The following PISD variants were observed in gnomAD, a reference collection of about 807,000 sequenced individuals.
PISD encodes phosphatidylserine decarboxylase proenzyme, mitochondrial.
Under a neutral mutation model 43.5 loss-of-function variants are expected in PISD, and 31 were observed. That is an observed-to-expected ratio of 0.71 (90% CI 0.54 to 0.96). The LOEUF (loss-of-function observed/expected upper bound fraction) is 0.96, where lower values mean the gene tolerates loss of function less well. Ranked by LOEUF, PISD falls within the 40% of genes least tolerant of loss-of-function variation. The pLI, the probability that PISD is intolerant of heterozygous loss-of-function variation, is 0.00. For missense variants in PISD, 523 were observed against 548.4 expected (o/e 0.95, Z 0.46); for synonymous variants, 259 against 228.7 (o/e 1.13, Z -1.20).
chr22:31,620,089 C>A (rs771279759), intron 7 of PISD, among the ~76,000 whole-genome samples: 4 of 152,206 alleles, frequency 2.6e-5, no homozygotes, highest in Non-Finnish European at 4.4e-5. Context: ...GGTCTCCATG[C>A]ATGGTGCTGG....
rs186329894 is a variant in PISD, at chr22:31,628,383, T to C, written c.322-6498A>G. 1.7e-3 allele frequency among the ~76,000 whole-genome samples: 262 copies of C among 152,342 alleles called. 3 individuals are homozygous for C. The highest frequency in any genetic ancestry group is 0.015 in the Admixed American group (232 of 15,306). On this transcript the variant is annotated intron_variant, in intron 3 of 7. Coordinates refer to ENST00000439502, the MANE Select transcript of PISD (RefSeq NM_001326411.2). Reference sequence around the variant, plus strand: ...AAAGATTTCATCCTCTCTGGCTGTCTTGAGGTGACACGAGGTGGGAGCCTC... The same window carrying C: ...AAAGATTTCATCCTCTCTGGCTGTCCTGAGGTGACACGAGGTGGGAGCCTC...
At chr22:31,624,428 G>C (rs913375480) in intron 3 of PISD, among the ~76,000 whole-genome samples, 2 of 151,986 alleles carry the variant, frequency 1.3e-5, no homozygotes, top group Admixed American at 6.6e-5. Context: ...ATGGTTCCAG[G>C]CCCCCCCTTT....
chr22:31,633,708 C>T lies in PISD; in HGVS notation c.322-11823G>A, dbSNP rs548328328. On this transcript the variant is annotated intron_variant, in intron 3 of 7. Coordinates refer to ENST00000439502, the MANE Select transcript of PISD (RefSeq NM_001326411.2). ...CCAGCCTGGGCGACAGAGCGAGACT[C>T]GTCTCAAAAAACAAACAAACAAACA... Among the ~76,000 whole-genome samples the T allele has an allele frequency of 2.1e-3, 313 of 151,746 alleles. 2 individuals are homozygous for T. The highest frequency in any genetic ancestry group is 2.6e-3 in the Non-Finnish European group (178 of 67,976).
chr22:31,631,621 G>A (rs1174039300), intron 3 of PISD, among the ~76,000 whole-genome samples: 3 of 152,200 alleles, frequency 2.0e-5, no homozygotes, highest in African/African-American at 7.2e-5. Context: ...CTAGTCTGCG[G>A]CTTGGCAGTC....
At chr22:31,620,278 A>G (rs2072460269) in intron 7 of PISD, among the ~76,000 whole-genome samples, 1 of 152,162 alleles carries the variant, frequency 6.6e-6, no homozygotes, top group Non-Finnish European at 1.5e-5. Flanking sequence ...ACCTTTGACC[A>G]TGGTTCCTAG....
At chr22:31,655,358 C>T (rs2074142625) in intron 1 of PISD, among the ~76,000 whole-genome samples, 1 of 151,522 alleles carries the variant, frequency 6.6e-6, no homozygotes, top group South Asian at 2.1e-4. Context: ...CTTTGCTGCC[C>T]AGGCTCAAGT....
At chr22:31,638,751 AGCTG>A in intron 3 of PISD, 1 of 283,788 alleles carries the variant, frequency 3.5e-6, no homozygotes, top group Non-Finnish European at 5.3e-6. Context: ...CCTCTCAGGC[AGCTG>A]GGACCAGAGG....
intron 1 of PISD, among the ~76,000 whole-genome samples, chr22:31,659,572 C>T (rs1270000572): frequency 6.6e-6 from 1 of 151,976 alleles, no homozygotes; most frequent in Admixed American, 6.6e-5. Flanking sequence ...CTGAAATTGG[C>T]AGTAGGATGG....
intron 3 of PISD, among the ~76,000 whole-genome samples, chr22:31,624,136 G>T (rs912364313): frequency 6.6e-6 from 1 of 152,170 alleles, no homozygotes; most frequent in African/African-American, 2.4e-5. Context: ...GCCGCAAGAG[G>T]AGAGTCAGGC....
At chr22:31,628,887 G>A (rs1488522739) in intron 3 of PISD, 17 of 985,374 alleles carry the variant, frequency 1.7e-5, no homozygotes, top group Non-Finnish European at 2.0e-5. Flanking sequence ...ACACTCCGGT[G>A]GGGGCAGGGG....
In PISD at chr22:31,621,682, C is replaced by T. The variant is rs368409664; in HGVS notation, c.525G>A (p.Pro175=). ...LSEFFRRKLK[P]QARPVCGLHS... ...GCAGGCCACAGACAGGCCGGGCCTG[C>T]GGCTTCAGCTTGCGCCGGAAGAACT... Residue 175 remains proline, a synonymous_variant, in exon 4 of 8, where the codon CCG becomes CCA. Coordinates refer to ENST00000439502, the MANE Select transcript of PISD (RefSeq NM_001326411.2). The T allele has an allele frequency of 3.9e-5, 63 of 1,613,710 alleles. No individual in the cohort carries two copies. In the East Asian group the frequency reaches 6.2e-4, roughly 16 times the overall value.
chr22:31,656,021 C>T (rs2074161189), intron 1 of PISD, among the ~76,000 whole-genome samples: 1 of 152,036 alleles, frequency 6.6e-6, no homozygotes, highest in African/African-American at 2.4e-5. Context: ...TGGCCAGGCT[C>T]AGTGGCTCAC....
At chr22:31,658,175 G>C (rs977907802) in intron 1 of PISD, among the ~76,000 whole-genome samples, 1 of 152,154 alleles carries the variant, frequency 6.6e-6, no homozygotes, top group Non-Finnish European at 1.5e-5. Flanking sequence ...ATGAATGGAT[G>C]GGTTCAAACA....
At position 31,619,689 on chromosome 22, in the gene PISD, C is replaced by T. The variant is rs746891486; in HGVS notation, c.1153G>A (p.Glu385Lys). 14 of 1,614,100 alleles carry T rather than the reference C, an allele frequency of 8.7e-6. No individual in the cohort carries two copies. The highest frequency in any genetic ancestry group is 1.2e-5 in the Non-Finnish European group (14 of 1,180,038). The change falls in exon 8 of 8, where the codon GAG (glutamate) becomes AAG (lysine). Residue 385 changes from glutamate (E) to lysine (K), a missense_variant. Glu to Lys is a moderately conservative substitution (Grantham distance 56, BLOSUM62 1). Transcript: ENST00000439502. ...NLGSTIVLIF[E>K]APKDFNFQLK... ...TGGAAATTGAAGTCCTTGGGGGCCT[C>T]GAAGATGAGCACGATGGTGGAGCCC...
At chr22:31,662,221 T>G, upstream of PISD, 1 of 1,602,118 alleles carries the variant, frequency 6.2e-7, no homozygotes, top group Non-Finnish European at 8.5e-7. Flanking sequence ...TGTCTGCTCC[T>G]TCTCAGCGTG....
At chr22:31,629,098 C>G in intron 3 of PISD, 1 of 985,458 alleles carries the variant, frequency 1.0e-6, no homozygotes, top group Non-Finnish European at 1.2e-6. Flanking sequence ...CCCACCCGTC[C>G]CTCACCAACC....
At chr22:31,661,083 T>C (rs1047558131) in intron 1 of PISD, among the ~76,000 whole-genome samples, 4 of 151,770 alleles carry the variant, frequency 2.6e-5, no homozygotes, top group Admixed American at 6.6e-5. Context: ...ACAGCACGCC[T>C]GGTAATAACA....
intron 3 of PISD, among the ~76,000 whole-genome samples, chr22:31,631,730 A>T (rs947347387): frequency 6.6e-6 from 1 of 152,222 alleles, no homozygotes; most frequent in Non-Finnish European, 1.5e-5. Context: ...GAAGGGTCTG[A>T]GAGGGATCAC....
chr22:31,627,978 G>C, intron 3 of PISD: 1 of 973,506 alleles, frequency 1.0e-6, no homozygotes, highest in Non-Finnish European at 1.2e-6. Context: ...GAACCATCCT[G>C]AGAGGCCAGG....
Sources: gnomAD v4.1 joint callset for allele counts (sites outside exome capture counted in the v4.1 genomes callset) on GRCh38, gnomAD v4.1.1 for gene constraint, MANE v1.5 for transcripts, NCBI Gene and HGNC (gene_info 2026-07-23, HGNC 2026-07-21) for gene names.